ANOS1: variants seen among roughly 807,000 people sequenced by gnomAD.
ANOS1 encodes anosmin-1.
A neutral mutation model predicts 59.0 loss-of-function variants in ANOS1; 6 were observed. The observed-to-expected ratio is 0.10, with a 90% CI of 0.06 to 0.20. ANOS1 has a LOEUF of 0.20. Ranked by LOEUF, ANOS1 falls within the 10% of genes least tolerant of loss-of-function variation. The probability of loss-of-function intolerance (pLI) is 1.00; values close to 1 mark genes in which losing one functional copy is unlikely to be tolerated. For missense variants in ANOS1, 433 were observed against 542.3 expected (o/e 0.80, Z 2.00); for synonymous variants, 217 against 223.4 (o/e 0.97, Z 0.25).
At chrX:8,570,399 T>C (rs1366908516) in intron 7 of ANOS1, 100 bp downstream of exon 7, 2 of 683,387 alleles carry the variant, frequency 2.9e-6, no homozygotes, top group East Asian at 3.5e-5. Flanking sequence ...CCTGCATCCA[T>C]GGCATCTCTC....
chrX:8,548,342 G>T (rs1651112888), intron 9 of ANOS1, among the ~76,000 whole-genome samples: 2 of 112,217 alleles, frequency 1.8e-5, no homozygotes, highest in South Asian at 7.3e-4. Context: ...ATTCTGTCTA[G>T]ATATTTTTAC....
At chrX:8,664,482 C>T (rs1010693581) in intron 2 of ANOS1, among the ~76,000 whole-genome samples, 7 of 110,280 alleles carry the variant, frequency 6.3e-5, no homozygotes, top group Admixed American at 9.6e-5. Flanking sequence ...TGTGAGCCAC[C>T]GCCCCCGGCC....
intron 2 of ANOS1, among the ~76,000 whole-genome samples, chrX:8,689,240 C>T (rs1324637358): frequency 9.0e-6 from 1 of 111,117 alleles, no homozygotes; most frequent in African/African-American, 3.3e-5. Context: ...TATCTTTTTC[C>T]CAGGCTCTCA....
chrX:8,672,158 ATG>A (rs201130939), intron 2 of ANOS1, among the ~76,000 whole-genome samples: 1,662 of 108,241 alleles, frequency 0.015, 32 homozygotes, highest in African/African-American at 0.056. Context: ...ATATACACAC[ATG>A]CACATACACA....
intron 1 of ANOS1, among the ~76,000 whole-genome samples, chrX:8,722,982 G>A (rs1030127792): frequency 2.1e-4 from 24 of 112,035 alleles, no homozygotes; most frequent in African/African-American, 7.5e-4. Flanking sequence ...TTCAACAAAC[G>A]GTGCTGGGAT....
chrX:8,562,980 C>T (rs1005472928), intron 8 of ANOS1, among the ~76,000 whole-genome samples: 3 of 112,289 alleles, frequency 2.7e-5, no homozygotes, highest in Non-Finnish European at 5.6e-5. Context: ...TTCTTTACTT[C>T]TAGTTGGTTC....
At chrX:8,574,502 C>T (rs1930288149) in intron 6 of ANOS1, among the ~76,000 whole-genome samples, 1 of 110,910 alleles carries the variant, frequency 9.0e-6, no homozygotes, top group African/African-American at 3.3e-5. Flanking sequence ...GCAGACCCTC[C>T]CTCAATCTGG....
intron 3 of ANOS1, among the ~76,000 whole-genome samples, chrX:8,614,950 CCAGATCT>C (rs1931140628): frequency 1.8e-5 from 1 of 54,110 alleles, no homozygotes; most frequent in African/African-American, 6.9e-5. Flanking sequence ...AGTTTATGTT[CCAGATCT>C]ATAAAATTTG....
intron 1 of ANOS1, among the ~76,000 whole-genome samples, chrX:8,708,069 C>G (rs1932789839): frequency 9.0e-6 from 1 of 111,610 alleles, no homozygotes; most frequent in Non-Finnish European, 1.9e-5. Flanking sequence ...ACTAAAAATA[C>G]AAAAATAATC....
intron 2 of ANOS1, among the ~76,000 whole-genome samples, chrX:8,677,920 A>G (rs937638446): frequency 9.0e-6 from 1 of 111,462 alleles, no homozygotes; most frequent in African/African-American, 3.3e-5. Context: ...GGGAATAATG[A>G]GATGAACAGA....
At chrX:8,544,988 C>A (rs1259475087) in intron 9 of ANOS1, among the ~76,000 whole-genome samples, 4 of 102,876 alleles carry the variant, frequency 3.9e-5, no homozygotes, top group Non-Finnish European at 2.0e-5. Context: ...ATCACTCAAA[C>A]CCGGAAGGCA....
chrX:8,547,160 A>G (rs3788882), intron 9 of ANOS1, among the ~76,000 whole-genome samples: 9,366 of 111,041 alleles, frequency 0.084, 461 homozygotes, highest in Admixed American at 0.24. Flanking sequence ...TTTTGCTAAC[A>G]TCTCTAAGTC....
In ANOS1 at chrX:8,535,591, G is replaced by A. The variant is rs750983454; in HGVS notation, c.1842C>T (p.Ser614=). Residue 614 remains serine (S), a splice_region_variant and synonymous_variant, in exon 12 of 14, where the codon TCC becomes TCT. Coordinates refer to ENST00000262648, the MANE Select transcript of ANOS1 (RefSeq NM_000216.4). Reference sequence around the variant, plus strand: ...ACATAGTACAAGAGGTGGGACCTACGGAAGGCAGGATCTGGGACTGTGAAA... The same window carrying A: ...ACATAGTACAAGAGGTGGGACCTACAGAAGGCAGGATCTGGGACTGTGAAA... ...SIISQSQILP[S]DHYVLTVPNL... is the part of the protein sequence containing the mutation. 55 of 1,194,532 alleles carry A rather than the reference G, an allele frequency of 4.6e-5. 1 individual carries two copies. The highest frequency in any genetic ancestry group is 3.9e-4 in the South Asian group (22 of 56,380).
At chrX:8,654,831 T>C (rs1342794664) in intron 2 of ANOS1, among the ~76,000 whole-genome samples, 3 of 112,567 alleles carry the variant, frequency 2.7e-5, no homozygotes, top group African/African-American at 9.7e-5. Flanking sequence ...CCCATGGTGA[T>C]ATTTAATTTT....
At chrX:8,616,179 C>T (rs1931172228) in intron 3 of ANOS1, among the ~76,000 whole-genome samples, 2 of 110,935 alleles carry the variant, frequency 1.8e-5, no homozygotes, top group African/African-American at 6.6e-5. Flanking sequence ...TCAAAGTCCA[C>T]AGTGAGCTCC....
At chrX:8,633,243 T>C (rs992514416) in intron 2 of ANOS1, among the ~76,000 whole-genome samples, 2 of 111,640 alleles carry the variant, frequency 1.8e-5, no homozygotes, top group Non-Finnish European at 3.8e-5. Context: ...GGGCAATGAC[T>C]CTCTCACTGC....
chrX:8,623,030 T>TGGATG (rs781227288), intron 3 of ANOS1, among the ~76,000 whole-genome samples: 1 of 102,389 alleles, frequency 9.8e-6, no homozygotes, highest in African/African-American at 3.6e-5. Flanking sequence ...GATGGATGGA[T>TGGATG]GATGGATGGA....
intron 2 of ANOS1, among the ~76,000 whole-genome samples, chrX:8,689,764 T>TA (rs758545862): frequency 0.013 from 987 of 78,528 alleles, 18 homozygotes; most frequent in African/African-American, 0.043. Context: ...AATAAAGCTT[T>TA]AAAAAAAAAA....
chrX:8,719,187 G>A (rs1932859103), intron 1 of ANOS1, among the ~76,000 whole-genome samples: 1 of 111,629 alleles, frequency 9.0e-6, no homozygotes, highest in Non-Finnish European at 1.9e-5. Context: ...CCGTATTTTA[G>A]GCTTACAGGT....
Sources: gnomAD v4.1 joint callset for allele counts (sites outside exome capture counted in the v4.1 genomes callset) on GRCh38, gnomAD v4.1.1 for gene constraint, MANE v1.5 for transcripts, NCBI Gene and HGNC (gene_info 2026-07-23, HGNC 2026-07-21) for gene names.